The following SND1 variants were observed in gnomAD, a reference collection of about 807,000 sequenced individuals.
The protein encoded by SND1 is staphylococcal nuclease and tudor domain containing 1, also known as staphylococcal nuclease domain-containing protein 1.
Under a neutral mutation model 121.7 loss-of-function variants are expected in SND1, and 38 were observed. The ratio of observed to expected loss-of-function variants is 0.31; its 90% CI spans 0.24 to 0.41. The LOEUF is 0.41. SND1 is among the 10% of genes least tolerant of loss of function. The pLI is 1.00. For missense variants in SND1, 868 were observed against 1,184.6 expected, an observed-to-expected ratio of 0.73 and a Z score of 3.92; for synonymous variants, 401 against 447.4, an observed-to-expected ratio of 0.90 and a Z score of 1.31.
At chr7:128,070,591 C>T (rs1275398771) in intron 16 of SND1, among the ~76,000 whole-genome samples, 1 of 152,198 alleles carries the variant, frequency 6.6e-6, no homozygotes, top group Non-Finnish European at 1.5e-5. Context: ...AATTACACAA[C>T]ACTCCACCAG....
chr7:127,858,032 CATCCACCAGACCATCTCCTGG>C, intron 12 of SND1: 7 of 1,437,710 alleles, frequency 4.9e-6, no homozygotes, highest in Non-Finnish European at 6.9e-6. Flanking sequence ...TCCCACATCA[CATCCACCAGACCATCTCCTGG>C]CAACTCTGCT....
chr7:127,847,718 T>C (rs1361894314), intron 12 of SND1, among the ~76,000 whole-genome samples: 1 of 152,238 alleles, frequency 6.6e-6, no homozygotes, highest in Admixed American at 6.5e-5. Context: ...TTAAAGCATG[T>C]GTTATTGAGC....
intron 11 of SND1, among the ~76,000 whole-genome samples, chr7:127,820,888 T>A (rs1157136140): frequency 2.6e-5 from 4 of 152,180 alleles, no homozygotes; most frequent in Non-Finnish European, 5.9e-5. Flanking sequence ...AAGGAAAAAG[T>A]GATTTGCTAA....
In SND1 at chr7:128,015,234, C is replaced by T. The variant is rs549161207; in HGVS notation, c.1779+24178C>T. On this transcript the variant is annotated intron_variant, in intron 16 of 23. Transcript: ENST00000354725. The surrounding 1 kb of genome is among the most constrained non-coding windows in gnomAD (Gnocchi z 4.5). ...TGAAGGGGCTGGGTCAGGCCTTGCC[C>T]GCAGGTCAACGTGGGGCTAAAATGA... Among the ~76,000 whole-genome samples the T allele has an allele frequency of 2.0e-5, 3 of 152,320 alleles. No homozygotes were observed. The highest frequency in any genetic ancestry group is 7.2e-5 in the African/African-American group (3 of 41,560).
intron 17 of SND1, among the ~76,000 whole-genome samples, chr7:128,075,742 C>T (rs1793495969): frequency 6.6e-6 from 1 of 152,180 alleles, no homozygotes; most frequent in Non-Finnish European, 1.5e-5. Context: ...ACGGTCAGTG[C>T]CCTGCAGGAG....
rs922764748 is a variant in SND1, at chr7:128,085,807, A to C, written c.2304+27A>C. 6.3e-7 allele frequency: 1 copy of C among 1,595,714 alleles called. No individual in the cohort carries two copies. The highest frequency in any genetic ancestry group is 8.6e-7 in the Non-Finnish European group (1 of 1,163,500). On this transcript the variant is annotated intron_variant, in intron 20 of 23. Transcript: ENST00000354725. The surrounding 1 kb of genome is among the most constrained non-coding windows in gnomAD (Gnocchi z 4.4). ...TGAGTGTTGGGGACCAGAGTGTTGGAGGGGCTATCAAACACAGCAGCCCCC... is the reference window on the plus strand; with the variant it reads ...TGAGTGTTGGGGACCAGAGTGTTGGCGGGGCTATCAAACACAGCAGCCCCC...
chr7:127,761,624 C>T (rs1797307128), intron 10 of SND1, among the ~76,000 whole-genome samples: 1 of 152,150 alleles, frequency 6.6e-6, no homozygotes, highest in African/African-American at 2.4e-5. Context: ...GTTGTTTGAA[C>T]TTTTATTATC....
intron 15 of SND1, among the ~76,000 whole-genome samples, chr7:127,988,528 T>G (rs1184326090): frequency 2.0e-5 from 3 of 152,188 alleles, no homozygotes. Flanking sequence ...ATATTTCTGC[T>G]TGATTTGTTT....
intron 12 of SND1, among the ~76,000 whole-genome samples, chr7:127,884,273 T>G (rs533865091): frequency 6.6e-6 from 1 of 152,244 alleles, no homozygotes; most frequent in African/African-American, 2.4e-5. Context: ...GAGCCCACAT[T>G]TCCATCTATA....
intron 11 of SND1, among the ~76,000 whole-genome samples, chr7:127,821,059 C>A (rs1485744992): frequency 3.9e-5 from 6 of 152,198 alleles, no homozygotes; most frequent in Non-Finnish European, 8.8e-5. Flanking sequence ...AATGAACACT[C>A]AGAATGTTCT....
intron 2 of SND1, 82 bp downstream of exon 2, chr7:127,686,844 T>C: frequency 7.0e-7 from 1 of 1,431,938 alleles, no homozygotes; most frequent in Non-Finnish European, 9.6e-7. Context: ...CATTTTGATG[T>C]ACTCTTTCTT....
chr7:128,050,787 A>G (rs1276710640), intron 16 of SND1, among the ~76,000 whole-genome samples: 3 of 152,168 alleles, frequency 2.0e-5, no homozygotes, highest in African/African-American at 7.2e-5. Flanking sequence ...AACATTCCAT[A>G]CTTATTTGAC....
chr7:127,816,003 T>G (rs1411490886), intron 11 of SND1, among the ~76,000 whole-genome samples: 2 of 152,200 alleles, frequency 1.3e-5, no homozygotes, highest in Non-Finnish European at 2.9e-5. Context: ...TGGTAATGCC[T>G]TCCCTCCTGC....
At chr7:128,066,667 G>C (rs1230844424) in intron 16 of SND1, among the ~76,000 whole-genome samples, 2 of 152,188 alleles carry the variant, frequency 1.3e-5, no homozygotes, top group African/African-American at 4.8e-5. Context: ...CGGTGTGGCT[G>C]TGTGTGACCG....
intron 12 of SND1, among the ~76,000 whole-genome samples, chr7:127,882,372 A>AAGGG (rs1799807745): frequency 7.8e-6 from 1 of 128,226 alleles, no homozygotes; most frequent in South Asian, 3.0e-4. Context: ...GGCAGGCAGG[A>AAGGG]AGGGAGGGAG....
chr7:127,926,720 T>TTTTTTG (rs368624574), intron 14 of SND1, among the ~76,000 whole-genome samples: 5 of 142,758 alleles, frequency 3.5e-5, no homozygotes, highest in South Asian at 2.3e-4. Context: ...ACCCGGCTAT[T>TTTTTTG]TTGTTGTTGT....
At chr7:127,739,081 A>G (rs1465638996) in intron 10 of SND1, among the ~76,000 whole-genome samples, 1 of 152,212 alleles carries the variant, frequency 6.6e-6, no homozygotes, top group African/African-American at 2.4e-5. Flanking sequence ...GAAACAGAGC[A>G]GTGGGTTTGT....
chr7:128,061,695 G>A (rs1793233258), intron 16 of SND1, among the ~76,000 whole-genome samples: 1 of 152,250 alleles, frequency 6.6e-6, no homozygotes, highest in Non-Finnish European at 1.5e-5. Context: ...ACACAGAAGA[G>A]GGCATGGGCC....
intron 10 of SND1, among the ~76,000 whole-genome samples, chr7:127,764,838 A>G (rs1362316817): frequency 6.6e-6 from 1 of 152,194 alleles, no homozygotes; most frequent in African/African-American, 2.4e-5. Flanking sequence ...CTAAATTGCA[A>G]CAGTGACTGG....
Sources: allele counts gnomAD v4.1 joint callset (sites outside exome capture counted in the v4.1 genomes callset), GRCh38; gene constraint gnomAD v4.1.1; non-coding constraint Gnocchi (gnomAD v3.1); transcripts MANE v1.5; gene names NCBI Gene and HGNC (gene_info 2026-07-23, HGNC 2026-07-21).